ROBO2: variants seen among roughly 807,000 people sequenced by gnomAD.
The protein encoded by ROBO2 is roundabout guidance receptor 2, also known as roundabout homolog 2.
A neutral mutation model predicts 160.8 loss-of-function variants in ROBO2; 53 were observed. That is an observed-to-expected ratio of 0.33 (90% CI 0.26 to 0.41). The LOEUF is 0.41. Among genes scored for constraint, ROBO2 ranks in the 10% least tolerant of loss-of-function variants. The probability of loss-of-function intolerance (pLI) is 1.00; values close to 1 mark genes in which losing one functional copy is unlikely to be tolerated. For missense variants in ROBO2, 1,577 were observed against 1,722.4 expected, an observed-to-expected ratio of 0.92 and a Z score of 1.49; for synonymous variants, 664 against 611.7, an observed-to-expected ratio of 1.09 and a Z score of -1.26.
chr3:77,130,935 C>T (rs1018291967), intron 2 of ROBO2, among the ~76,000 whole-genome samples: 3 of 152,066 alleles, frequency 2.0e-5, no homozygotes, highest in Admixed American at 6.5e-5. Flanking sequence ...AAACTTCTTT[C>T]GTTAACTAGT....
At position 77,090,224 on chromosome 3, in the gene ROBO2, T is replaced by C. The variant is rs143680533; in HGVS notation, c.62-7790T>C. On this transcript the variant is annotated intron_variant, in intron 1 of 25. Transcript: ENST00000461745. ...AAATAAAGTTTAGAGTTGGAGTATT[T>C]GTCATGTTTTGCAGAAGGAGAAAAA... is the stretch of plus-strand genomic sequence containing the variant. Among the ~76,000 whole-genome samples the C allele has an allele frequency of 7.9e-5, 12 of 151,974 alleles. No homozygotes were observed. In the East Asian group the frequency reaches 2.3e-3, roughly 29 times the overall value.
chr3:76,892,828 T>C (rs2148824915), intron 2 of ROBO2, among the ~76,000 whole-genome samples: 1 of 152,264 alleles, frequency 6.6e-6, no homozygotes, highest in African/African-American at 2.4e-5. Context: ...ATTTCACACC[T>C]TCTCTATCCT....
intron 2 of ROBO2, among the ~76,000 whole-genome samples, chr3:76,699,253 CTGCTGT>C (rs758146995): frequency 8.3e-4 from 126 of 152,242 alleles, no homozygotes; most frequent in Non-Finnish European, 1.4e-3. Flanking sequence ...CTAATCAGAT[CTGCTGT>C]TTATCCAGGT....
chr3:76,280,171 A>G (rs113953469), intron 2 of ROBO2, among the ~76,000 whole-genome samples: 1,535 of 152,094 alleles, frequency 0.01, 15 homozygotes, highest in Non-Finnish European at 0.018. Context: ...TAGTCTTGAT[A>G]TGTATGAACA....
At chr3:76,233,183 C>T (rs1028491034) in intron 2 of ROBO2, among the ~76,000 whole-genome samples, 1 of 151,864 alleles carries the variant, frequency 6.6e-6, no homozygotes, top group Admixed American at 6.6e-5. Flanking sequence ...TCACTCTTGT[C>T]TCCCCGGATA....
At chr3:76,152,181 G>A (rs1461926812) in intron 2 of ROBO2, among the ~76,000 whole-genome samples, 1 of 152,164 alleles carries the variant, frequency 6.6e-6, no homozygotes, top group Non-Finnish European at 1.5e-5. Flanking sequence ...AACTGAGGGA[G>A]CTAAGCCATC....
intron 2 of ROBO2, among the ~76,000 whole-genome samples, chr3:77,475,752 C>T (rs940927112): frequency 6.6e-6 from 1 of 152,174 alleles, no homozygotes; most frequent in Non-Finnish European, 1.5e-5. Flanking sequence ...GGAGGATTTA[C>T]CTGCAAGAGG....
chr3:77,216,835 T>C (rs1010683464), intron 2 of ROBO2, among the ~76,000 whole-genome samples: 4 of 152,198 alleles, frequency 2.6e-5, no homozygotes, highest in Non-Finnish European at 4.4e-5. Context: ...TAGAATGCCA[T>C]ATTTTTTTCA....
intron 2 of ROBO2, among the ~76,000 whole-genome samples, chr3:76,856,169 A>G (rs1182328675): frequency 6.6e-6 from 1 of 152,216 alleles, no homozygotes. Flanking sequence ...AAGTCGATAC[A>G]GGCTTAGTAC....
intron 2 of ROBO2, among the ~76,000 whole-genome samples, chr3:77,338,606 G>A (rs1240193144): frequency 2.0e-5 from 3 of 151,960 alleles, no homozygotes; most frequent in Non-Finnish European, 2.9e-5. Context: ...GGCAAACATA[G>A]GTCTTTAAGG....
chr3:76,490,958 G>GT (rs148645066), intron 2 of ROBO2, among the ~76,000 whole-genome samples: 40,064 of 148,222 alleles, frequency 0.27, 6,364 homozygotes, highest in African/African-American at 0.44. Flanking sequence ...GATTAATTTT[G>GT]TTTTTTTTTT....
At chr3:76,195,433 C>G (rs1395554652) in intron 2 of ROBO2, among the ~76,000 whole-genome samples, 1 of 152,080 alleles carries the variant, frequency 6.6e-6, no homozygotes, top group Non-Finnish European at 1.5e-5. Flanking sequence ...AAAGGATTGC[C>G]AATCCTTTAG....
intron 2 of ROBO2, among the ~76,000 whole-genome samples, chr3:76,500,639 GT>G (rs1441111298): frequency 6.6e-6 from 1 of 152,082 alleles, no homozygotes; most frequent in Admixed American, 6.5e-5. Flanking sequence ...AGTCACATCA[GT>G]TTTTTTATGA....
At chr3:76,937,479 T>G (rs924152687) in intron 2 of ROBO2, among the ~76,000 whole-genome samples, 5 of 152,142 alleles carry the variant, frequency 3.3e-5, no homozygotes, top group African/African-American at 1.2e-4. Flanking sequence ...GTTATTTGTT[T>G]TCACTTAAGT....
intron 15 of ROBO2, among the ~76,000 whole-genome samples, chr3:77,577,955 T>C (rs529325097): frequency 2.0e-4 from 31 of 152,184 alleles, no homozygotes; most frequent in African/African-American, 7.0e-4. Context: ...GAATTCTGCA[T>C]AAGAGGCTTT....
chr3:77,078,331 C>T (rs1403732026), intron 1 of ROBO2, among the ~76,000 whole-genome samples: 2 of 152,182 alleles, frequency 1.3e-5, no homozygotes, highest in Admixed American at 1.3e-4. Context: ...GATACTTTGT[C>T]CCAAACACCT....
chr3:76,283,149 TATAA>T lies in ROBO2; in HGVS notation c.109+345549_109+345552del, dbSNP rs925824934. On this transcript the variant is annotated intron_variant, in intron 2 of 26. Coordinates refer to the ROBO2 transcript ENST00000487694. ...ATATATAAAACTGTATATATATATATATAAAACTACATATATATAGTGACCCCTG... is the reference window on the plus strand; with the variant it reads ...ATATATAAAACTGTATATATATATATAACTACATATATATAGTGACCCCTG... Among the ~76,000 whole-genome samples, 7 of 136,850 alleles carry T rather than the reference TATAA, an allele frequency of 5.1e-5. 1 individual carries two copies. The highest frequency in any genetic ancestry group is 1.8e-4 in the African/African-American group (7 of 38,728). The allele number at this position is 136,850 out of a possible 152,430, so 89.8% of individuals were successfully genotyped here.
At chr3:76,706,209 G>A (rs1378008860) in intron 2 of ROBO2, among the ~76,000 whole-genome samples, 2 of 152,026 alleles carry the variant, frequency 1.3e-5, no homozygotes, top group African/African-American at 4.8e-5. Flanking sequence ...ACACAAAATA[G>A]AATTTTCAAC....
rs1000218632 is a variant in ROBO2 at position 76,113,722 on chromosome 3, A to G, written c.109+176120A>G. Among the ~76,000 whole-genome samples the G allele has an allele frequency of 2.0e-5, 3 of 152,106 alleles. No homozygotes were observed. In the South Asian group the frequency reaches 6.2e-4, roughly 32 times the overall value. On this transcript the variant is annotated intron_variant, in intron 2 of 26. Coordinates refer to the ROBO2 transcript ENST00000487694. ...CTTATAAGGCCAGAACCCTCATAAT[A>G]TAGATTGGATGTTTTGCCTTCCAAA... is the stretch of plus-strand genomic sequence containing the variant.
Sources: gnomAD v4.1 joint callset for allele counts (sites outside exome capture counted in the v4.1 genomes callset) on GRCh38, gnomAD v4.1.1 for gene constraint, MANE v1.5 for transcripts, NCBI Gene and HGNC (gene_info 2026-07-23, HGNC 2026-07-21) for gene names.